Variants in IQSEC1 observed in about 807,000 individuals in gnomAD.
IQSEC1 encodes IQ motif and SEC7 domain-containing protein 1.
In IQSEC1, 31 loss-of-function variants were observed where a neutral mutation model predicts 91.0. The ratio of observed to expected loss-of-function variants is 0.34; its 90% CI spans 0.26 to 0.46. The LOEUF (loss-of-function observed/expected upper bound fraction) is 0.46, where lower values mean the gene tolerates loss of function less well. Ranked by LOEUF, IQSEC1 falls within the 20% of genes least tolerant of loss-of-function variation. The probability of loss-of-function intolerance (pLI) is 1.00; values close to 1 mark genes in which losing one functional copy is unlikely to be tolerated. For missense variants in IQSEC1, 1,388 were observed against 1,575.6 expected, an observed-to-expected ratio of 0.88 and a Z score of 2.02; for synonymous variants, 699 against 662.6, an observed-to-expected ratio of 1.05 and a Z score of -0.84.
rs912600085 is a variant in IQSEC1, at chr3:13,022,463, G to A, written c.23+50529C>T. The A allele has an allele frequency of 6.9e-6, 7 of 1,013,448 alleles. No individual in the cohort carries two copies. The African/African-American group carries it at 1.0e-4, about 15-fold the overall frequency. 62.8% of individuals were successfully genotyped at this position (1,013,448 alleles called of 1,614,324 possible). A position where few individuals can be genotyped will look rare whatever the true frequency, so the allele number is the denominator to read the frequency against. On this transcript the variant is annotated intron_variant, in intron 1 of 13. Coordinates refer to ENST00000613206, the MANE Select transcript of IQSEC1 (RefSeq NM_001134382.3). The stretch of plus-strand genomic sequence containing the variant: ...ACAGCAGTGGCTGCAGGCCAGGGGA[G>A]CAGTGAGTCACTCAGGGCGGGATGG...
In IQSEC1 at chr3:13,211,672, T is replaced by G. The variant is rs1694451134; in HGVS notation, c.273-47539A>C. On this transcript the variant is annotated intron_variant, in intron 1 of 15. Coordinates refer to the IQSEC1 transcript ENST00000648114. This position sits in a 1 kb window ranked among gnomAD's most constrained non-coding sequence, Gnocchi z 5.3. ...GAAGGCCAGGCCAGGACCCACGAAC[T>G]GGCACCACCCCAGCCCTGCTCAGCC... Among the ~76,000 whole-genome samples, 1 of 152,146 alleles carries G rather than the reference T, an allele frequency of 6.6e-6. No individual in the cohort carries two copies. The highest frequency in any genetic ancestry group is 2.4e-5 in the African/African-American group (1 of 41,426).
At chr3:13,037,948 G>A (rs973919382) in intron 1 of IQSEC1, among the ~76,000 whole-genome samples, 8 of 151,928 alleles carry the variant, frequency 5.3e-5, no homozygotes, top group African/African-American at 1.2e-4. Flanking sequence ...GCACAATAAC[G>A]TGAATGTACT....
At chr3:13,134,733 A>T (rs73815408) in intron 2 of IQSEC1, among the ~76,000 whole-genome samples, 1 of 152,296 alleles carries the variant, frequency 6.6e-6, no homozygotes, top group African/African-American at 2.4e-5. Context: ...TGAGGGCCCC[A>T]GCCCAGCAGC....
intron 2 of IQSEC1, among the ~76,000 whole-genome samples, chr3:13,087,820 C>T: frequency 6.6e-6 from 1 of 152,162 alleles, no homozygotes; most frequent in East Asian, 1.9e-4. Flanking sequence ...CTGCATCCTC[C>T]CGTGGCAGAA....
At chr3:13,120,571 TCA>T (rs1315323586) in intron 2 of IQSEC1, among the ~76,000 whole-genome samples, 5 of 152,204 alleles carry the variant, frequency 3.3e-5, no homozygotes, top group African/African-American at 1.2e-4. Context: ...GAGGAGCTGC[TCA>T]CAGTCTAGAG....
At chr3:13,116,135 G>C (rs549129419) in intron 2 of IQSEC1, among the ~76,000 whole-genome samples, 1 of 152,322 alleles carries the variant, frequency 6.6e-6, no homozygotes, top group South Asian at 2.1e-4. Flanking sequence ...AGAGGCGCGT[G>C]GAAGTCCTCC....
chr3:12,988,070 G>A lies in IQSEC1; in HGVS notation c.24-46205C>T, dbSNP rs116057579. Among the ~76,000 whole-genome samples the A allele has an allele frequency of 6.8e-3, 1,041 of 152,318 alleles. 19 individuals are homozygous for A. The highest frequency in any genetic ancestry group is 0.022 in the African/African-American group (933 of 41,556). On this transcript the variant is annotated intron_variant, in intron 1 of 13. Transcript: ENST00000613206. The stretch of plus-strand genomic sequence containing the variant: ...AAAACAACCCATGTGGTCCATCACA[G>A]TAGACTGCATACATAAGCTGTGGCC...
chr3:13,014,446 C>G (rs189274075), intron 1 of IQSEC1, among the ~76,000 whole-genome samples: 1 of 152,352 alleles, frequency 6.6e-6, no homozygotes, highest in South Asian at 2.1e-4. Flanking sequence ...GAGTGACTGA[C>G]CCCTCAGGGC....
intron 2 of IQSEC1, among the ~76,000 whole-genome samples, chr3:13,080,970 A>G (rs1306465926): frequency 3.3e-5 from 5 of 152,284 alleles, no homozygotes; most frequent in Admixed American, 3.3e-4. Flanking sequence ...CTAAAAGCTC[A>G]AACAAATGTT....
At chr3:13,245,918 G>C (rs1459370140) in intron 1 of IQSEC1, among the ~76,000 whole-genome samples, 1 of 152,054 alleles carries the variant, frequency 6.6e-6, no homozygotes, top group African/African-American at 2.4e-5. Flanking sequence ...ACACTGCCGG[G>C]GAACCCAAAC....
At chr3:13,159,717 GAAC>G (rs1707138360) in intron 2 of IQSEC1, among the ~76,000 whole-genome samples, 1 of 152,186 alleles carries the variant, frequency 6.6e-6, no homozygotes, top group Non-Finnish European at 1.5e-5. Context: ...CCCACAGTGA[GAAC>G]TCATTGAATG....
In IQSEC1 at chr3:13,282,180, G is replaced by A. The variant is rs567019201; in HGVS notation, c.272+531C>T. On this transcript the variant is annotated intron_variant, in intron 1 of 15. Transcript: ENST00000648114. This position sits in a 1 kb window ranked among gnomAD's most constrained non-coding sequence, Gnocchi z 6.4. ...CAGCCTTGAAGTAAGAGACAGAGGC[G>A]TCCACAGAAGAGGGCTCTGCGCGTC... is the stretch of plus-strand genomic sequence containing the variant. 6.6e-6 allele frequency among the ~76,000 whole-genome samples: 1 copy of A among 152,192 alleles called. No individual in the cohort carries two copies. The highest frequency in any genetic ancestry group is 1.5e-5 in the Non-Finnish European group (1 of 68,026).
At position 13,207,655 on chromosome 3, in the gene IQSEC1, A is replaced by C. The variant is rs939081847; in HGVS notation, c.273-43522T>G. Among the ~76,000 whole-genome samples the C allele has an allele frequency of 6.6e-6, 1 of 152,090 alleles. No homozygotes were observed. The highest frequency in any genetic ancestry group is 2.4e-5 in the African/African-American group (1 of 41,418). On this transcript the variant is annotated intron_variant, in intron 1 of 15. Transcript: ENST00000648114. This position sits in a 1 kb window ranked among gnomAD's most constrained non-coding sequence, Gnocchi z 4.8. ...GAGGCTCCTCACTTGTCCCCACCCC[A>C]GAGCCTCTGCACCCAGGGCTCCTTC...
intron 1 of IQSEC1, among the ~76,000 whole-genome samples, chr3:13,267,687 C>G (rs543047410): frequency 6.6e-6 from 1 of 151,382 alleles, no homozygotes; most frequent in Non-Finnish European, 1.5e-5. Flanking sequence ...GCACCATCTC[C>G]GCTCACTGCA....
intron 1 of IQSEC1, among the ~76,000 whole-genome samples, chr3:12,987,309 G>A (rs531723017): frequency 1.1e-4 from 16 of 152,322 alleles, no homozygotes; most frequent in African/African-American, 3.8e-4. Context: ...GCCTTGTAGC[G>A]AGAGGTATGG....
rs186487037 is a variant in IQSEC1 at position 13,155,525 on chromosome 3, A to G, written c.302+8579T>C. Among the ~76,000 whole-genome samples the G allele has an allele frequency of 4.1e-3, 626 of 152,370 alleles. 1 individual carries two copies. The highest frequency in any genetic ancestry group is 6.1e-3 in the Non-Finnish European group (418 of 68,038). ...AAAAGCCCTGGACCTGATGGCTTCA[A>G]CTGATGAATTCTACCAAACATTTCC... is the stretch of plus-strand genomic sequence containing the variant. On this transcript the variant is annotated intron_variant, in intron 2 of 15. Transcript: ENST00000648114.
At chr3:13,016,965 C>T (rs535026065) in intron 1 of IQSEC1, among the ~76,000 whole-genome samples, 7 of 152,350 alleles carry the variant, frequency 4.6e-5, no homozygotes, top group East Asian at 1.9e-4. Context: ...TTCCTAGAAA[C>T]GGGACCATAC....
intron 1 of IQSEC1, among the ~76,000 whole-genome samples, chr3:13,025,020 G>A (rs1006479383): frequency 2.0e-5 from 3 of 152,224 alleles, no homozygotes; most frequent in African/African-American, 7.2e-5. Flanking sequence ...CTGTCTGCAG[G>A]ACAGCATGGC....
intron 1 of IQSEC1, among the ~76,000 whole-genome samples, chr3:12,956,834 C>T (rs1366836001): frequency 6.6e-6 from 1 of 152,172 alleles, no homozygotes; most frequent in East Asian, 1.9e-4. Context: ...CAGGCAAGTG[C>T]CCTCCACTCT....
Sources: allele counts gnomAD v4.1 joint callset (sites outside exome capture counted in the v4.1 genomes callset), GRCh38; gene constraint gnomAD v4.1.1; non-coding constraint Gnocchi (gnomAD v3.1); transcripts MANE v1.5; gene names NCBI Gene and HGNC (gene_info 2026-07-23, HGNC 2026-07-21).